Variants in MPC2 observed in about 807,000 individuals in gnomAD.
MPC2 encodes the protein mitochondrial pyruvate carrier 2.
In MPC2, 19 loss-of-function variants were observed where a neutral mutation model predicts 19.2. That is an observed-to-expected ratio of 0.99 (90% CI 0.69 to 1.45). The LOEUF (loss-of-function observed/expected upper bound fraction) is 1.45. Among genes scored for constraint, MPC2 ranks in the 40% most tolerant of loss-of-function variants. The pLI is 0.00. For synonymous variants in MPC2, 61 were observed against 54.3 expected (o/e 1.12, Z -0.54); for missense variants, 122 against 153.0 (o/e 0.80, Z 1.07).
intron 3 of MPC2, among the ~76,000 whole-genome samples, chr1:167,921,617 G>T (rs1670603450): frequency 6.6e-6 from 1 of 151,844 alleles, no homozygotes; most frequent in Admixed American, 6.6e-5. Flanking sequence ...ATGCGTTTTT[G>T]CTCCCACCAG....
intron 3 of MPC2, among the ~76,000 whole-genome samples, chr1:167,923,714 C>G (rs113778917): frequency 0.013 from 1,898 of 151,064 alleles, 39 homozygotes; most frequent in African/African-American, 0.044. Context: ...AAAAAAAAAG[C>G]CTACAGACCA....
chr1:167,921,230 ATT>A (rs779863933), intron 3 of MPC2, among the ~76,000 whole-genome samples: 1 of 143,910 alleles, frequency 6.9e-6, no homozygotes. Flanking sequence ...TGGTTAGATC[ATT>A]TTTTTTTTTT....
intron 2 of MPC2, among the ~76,000 whole-genome samples, chr1:167,929,317 C>G (rs1406765041): frequency 1.3e-5 from 2 of 152,016 alleles, no homozygotes; most frequent in Non-Finnish European, 2.9e-5. Context: ...CGAGATTGCA[C>G]CATTGCACTC....
intron 2 of MPC2, among the ~76,000 whole-genome samples, chr1:167,926,301 A>G (rs1456517294): frequency 6.6e-6 from 1 of 152,204 alleles, no homozygotes; most frequent in East Asian, 1.9e-4. Flanking sequence ...TGAAAAACCT[A>G]TCTATATTCA....
At chr1:167,929,786 C>T (rs1377144530) in intron 2 of MPC2, among the ~76,000 whole-genome samples, 1 of 152,150 alleles carries the variant, frequency 6.6e-6, no homozygotes, top group African/African-American at 2.4e-5. Flanking sequence ...TACACACTTA[C>T]AAATACTGGA....
At chr1:167,932,877 TA>T (rs1292906407) in intron 2 of MPC2, among the ~76,000 whole-genome samples, 1 of 151,286 alleles carries the variant, frequency 6.6e-6, no homozygotes, top group East Asian at 1.9e-4. Flanking sequence ...ACTTCAAGAT[TA>T]TTTCTTTGAC....
chr1:167,923,398 G>A (rs1256881694), intron 3 of MPC2, among the ~76,000 whole-genome samples: 2 of 152,102 alleles, frequency 1.3e-5, no homozygotes, highest in South Asian at 2.1e-4. Flanking sequence ...ATGTGACAAC[G>A]TTAATGTACC....
At chr1:167,926,780 C>A (rs917377687) in intron 2 of MPC2, among the ~76,000 whole-genome samples, 2 of 152,218 alleles carry the variant, frequency 1.3e-5, no homozygotes, top group Admixed American at 6.5e-5. Context: ...CAACTAGTTT[C>A]ATGCTATTTT....
At chr1:167,922,563 G>C (rs1670628719) in intron 3 of MPC2, among the ~76,000 whole-genome samples, 1 of 151,900 alleles carries the variant, frequency 6.6e-6, no homozygotes, top group Non-Finnish European at 1.5e-5. Flanking sequence ...ATTAGTATAG[G>C]GGGTTTTAGG....
At chr1:167,932,604 T>C (rs1670940250) in intron 2 of MPC2, among the ~76,000 whole-genome samples, 1 of 150,158 alleles carries the variant, frequency 6.7e-6, no homozygotes, top group Non-Finnish European at 1.5e-5. Flanking sequence ...AGGTCAGGAG[T>C]TTGAGACCAG....
chr1:167,919,483 T>C (rs1181006300), intron 5 of MPC2, among the ~76,000 whole-genome samples: 1 of 152,212 alleles, frequency 6.6e-6, no homozygotes, highest in African/African-American at 2.4e-5. Flanking sequence ...GTAAATAGTT[T>C]AAAAATTTCC....
At chr1:167,935,399 A>T (rs1200957492) in intron 2 of MPC2, among the ~76,000 whole-genome samples, 2 of 152,174 alleles carry the variant, frequency 1.3e-5, no homozygotes, top group Non-Finnish European at 2.9e-5. Flanking sequence ...AGAGAAAGAG[A>T]ATGAGTGTTT....
intron 2 of MPC2, among the ~76,000 whole-genome samples, chr1:167,934,146 T>C (rs552247511): frequency 1.5e-4 from 23 of 152,316 alleles, no homozygotes; most frequent in Non-Finnish European, 2.9e-4. Context: ...AAGTGAAAGG[T>C]AATCCCTCTT....
chr1:167,936,749 A>T (rs11558510), intron 1 of MPC2, 190 bp downstream of exon 1: 2 of 620,738 alleles, frequency 3.2e-6, no homozygotes, highest in Non-Finnish European at 2.8e-6. Context: ...GCCGGGCTTC[A>T]GGGGCCCAGG....
intron 2 of MPC2, among the ~76,000 whole-genome samples, chr1:167,934,265 T>G (rs1670995435): frequency 6.6e-6 from 1 of 152,166 alleles, no homozygotes; most frequent in Admixed American, 6.5e-5. Context: ...TTATTTTAAG[T>G]AGTTTAAAAT....
At chr1:167,930,235 T>G (rs1670870904) in intron 2 of MPC2, among the ~76,000 whole-genome samples, 1 of 152,196 alleles carries the variant, frequency 6.6e-6, no homozygotes, top group African/African-American at 2.4e-5. Flanking sequence ...AAAATACACT[T>G]TGGTTTGAAA....
Position 167,936,887 on chromosome 1 carries a change from C to T in MPC2, c.-58+52G>A, listed in dbSNP as rs768013301. The T allele has an allele frequency of 2.6e-6, 4 of 1,565,668 alleles. No homozygotes were observed. The East Asian group carries it at 6.9e-5, about 27-fold the overall frequency. On this transcript the variant is annotated intron_variant, in intron 1 of 5. Coordinates refer to ENST00000271373, the MANE Select transcript of MPC2 (RefSeq NM_001143674.4). ...TCCCCTCCCCCACGCGGTGGTCTCC[C>T]CTCCCACCCGGCTCAGGCAGAGCCA... is the stretch of plus-strand genomic sequence containing the variant.
In MPC2 at chr1:167,918,335, T is replaced by C; in HGVS notation, c.372A>G (p.Lys124=). Residue 124 remains lysine (K), a synonymous_variant, in exon 6 of 6, where the codon AAA becomes AAG. Coordinates refer to ENST00000271373, the MANE Select transcript of MPC2 (RefSeq NM_001143674.4). ...IWRYNQELKA[K]AHK is the part of the protein sequence containing the mutation. ...ATCAGGAACTCTTTTATTTGTGTGCTTTAGCTTTTAGTTCTTGGTTATATC... is the reference window on the plus strand; with the variant it reads ...ATCAGGAACTCTTTTATTTGTGTGCCTTAGCTTTTAGTTCTTGGTTATATC... 6.4e-7 allele frequency: 1 copy of C among 1,567,420 alleles called. No homozygotes were observed. The highest frequency in any genetic ancestry group is 1.1e-5 in the South Asian group (1 of 89,290).
In MPC2 at chr1:167,935,912, G is replaced by A; in HGVS notation, c.-57-14C>T. ...TCTCGTCCCTGGCTGACAACGAAGG[G>A]GAGCTAGTCACTTTTCCTGCCACGA... On this transcript the variant is annotated splice_polypyrimidine_tract_variant and intron_variant, in intron 1 of 5. Coordinates refer to ENST00000271373, the MANE Select transcript of MPC2 (RefSeq NM_001143674.4). The A allele has an allele frequency of 8.3e-7, 1 of 1,203,806 alleles. No homozygotes were observed. The allele number at this position is 1,203,806 out of a possible 1,614,324, so 74.6% of individuals were successfully genotyped here.
Sources: allele counts gnomAD v4.1 joint callset (sites outside exome capture counted in the v4.1 genomes callset), GRCh38; gene constraint gnomAD v4.1.1; transcripts MANE v1.5; gene names NCBI Gene and HGNC (gene_info 2026-07-23, HGNC 2026-07-21).